The following BNC2 variants were observed in gnomAD, a reference collection of about 807,000 sequenced individuals.
The protein encoded by BNC2 is basonuclin zinc finger protein 2.
A neutral mutation model predicts 76.3 loss-of-function variants in BNC2; 20 were observed. That is an observed-to-expected ratio of 0.26 (90% confidence interval 0.18 to 0.38). The LOEUF (loss-of-function observed/expected upper bound fraction) is 0.38, where lower values mean the gene tolerates loss of function less well. BNC2 is among the 10% of genes least tolerant of loss of function. The pLI is 1.00. For missense variants in BNC2, 1,382 were observed against 1,399.8 expected, an observed-to-expected ratio of 0.99 and a Z score of 0.20; for synonymous variants, 582 against 514.8, an observed-to-expected ratio of 1.13 and a Z score of -1.77.
intron 1 of BNC2, among the ~76,000 whole-genome samples, chr9:16,790,087 C>A (rs974005823): frequency 6.6e-6 from 1 of 152,164 alleles, no homozygotes; most frequent in Admixed American, 6.5e-5. Context: ...GCAAGCTCCG[C>A]CTCCCAGGTT....
chr9:16,572,251 G>A (rs534631842), intron 4 of BNC2, among the ~76,000 whole-genome samples: 1 of 152,200 alleles, frequency 6.6e-6, no homozygotes, highest in Non-Finnish European at 1.5e-5. Context: ...TGTTTGGGCT[G>A]CTAAAACCTC....
chr9:16,854,484 A>G lies in BNC2; in HGVS notation c.3+16162T>C, dbSNP rs556423188. 4.6e-5 allele frequency among the ~76,000 whole-genome samples: 7 copies of G among 152,346 alleles called. No individual in the cohort carries two copies. The East Asian group carries it at 5.8e-4, about 13-fold the overall frequency. On this transcript the variant is annotated intron_variant, in intron 1 of 6. Transcript: ENST00000380672. ...CAATTTCAGATCAAGATATTTCTCT[A>G]TAAGGCATTTAACAAAAGAAACTTT...
intron 3 of BNC2, 128 bp downstream of exon 3, chr9:16,727,669 G>A (rs2134987361): frequency 1.3e-6 from 1 of 767,104 alleles, no homozygotes; most frequent in Admixed American, 2.8e-5. Context: ...CAAAACAAGA[G>A]CCTAACTAGG....
At chr9:16,858,877 T>A (rs1819328368) in intron 1 of BNC2, among the ~76,000 whole-genome samples, 1 of 151,596 alleles carries the variant, frequency 6.6e-6, no homozygotes, top group Admixed American at 6.6e-5. Flanking sequence ...AAAAGAAACT[T>A]CTGTGCTGCA....
chr9:16,789,656 A>C (rs1817445541), intron 1 of BNC2, among the ~76,000 whole-genome samples: 1 of 152,146 alleles, frequency 6.6e-6, no homozygotes, highest in Admixed American at 6.5e-5. Flanking sequence ...GGCTCTTACA[A>C]TGCCTGGTGT....
chr9:16,758,938 T>C (rs1421173786), intron 1 of BNC2, among the ~76,000 whole-genome samples: 1 of 152,244 alleles, frequency 6.6e-6, no homozygotes, highest in African/African-American at 2.4e-5. Context: ...AAATTATCTT[T>C]CATTTGAATG....
intron 1 of BNC2, among the ~76,000 whole-genome samples, chr9:16,746,055 T>C (rs914961465): frequency 1.1e-4 from 17 of 152,192 alleles, no homozygotes; most frequent in Admixed American, 1.3e-4. Context: ...TCTAATCCCA[T>C]TGCTTTACTA....
rs540809824 is a variant in BNC2, at chr9:16,548,804, G to T, written c.669+3726C>A. Among the ~76,000 whole-genome samples, 5 of 152,226 alleles carry T rather than the reference G, an allele frequency of 3.3e-5. No homozygotes were observed. The South Asian group carries it at 1.0e-3, about 32-fold the overall frequency. On this transcript the variant is annotated intron_variant, in intron 5 of 6. Coordinates refer to ENST00000380672, the MANE Select transcript of BNC2 (RefSeq NM_017637.6). ...CCATTTTTGTGGTTTTCTGGAAAAT[G>T]CTTAAAAGCTAACTTTCTGTACTTT... is the stretch of plus-strand genomic sequence containing the variant.
intron 1 of BNC2, among the ~76,000 whole-genome samples, chr9:16,812,209 G>C (rs137949860): frequency 4.4e-4 from 67 of 152,346 alleles, no homozygotes; most frequent in African/African-American, 1.5e-3. Context: ...GGCAGGCAAA[G>C]CTCTGGCTTG....
chr9:16,589,668 C>A (rs1046662111), intron 3 of BNC2, among the ~76,000 whole-genome samples: 1 of 151,864 alleles, frequency 6.6e-6, no homozygotes, highest in Admixed American at 6.6e-5. Context: ...ACCACCACAC[C>A]GGGCTAATTT....
At chr9:16,788,293 C>T (rs1054160778) in intron 1 of BNC2, among the ~76,000 whole-genome samples, 7 of 152,156 alleles carry the variant, frequency 4.6e-5, no homozygotes, top group South Asian at 2.1e-4. Flanking sequence ...GTGGCTCACG[C>T]CTGTAATCCC....
intron 4 of BNC2, among the ~76,000 whole-genome samples, chr9:16,574,232 G>A (rs1335785472): frequency 6.6e-6 from 1 of 152,088 alleles, no homozygotes. Context: ...CTGTAGGATC[G>A]TTAGCAAGAT....
intron 5 of BNC2, among the ~76,000 whole-genome samples, chr9:16,480,899 T>C (rs1345718061): frequency 1.3e-5 from 2 of 152,132 alleles, no homozygotes; most frequent in African/African-American, 2.4e-5. Flanking sequence ...TGCGAGCACA[T>C]GGCACGGGAC....
chr9:16,760,718 G>C (rs1003769671), intron 1 of BNC2, among the ~76,000 whole-genome samples: 2 of 152,142 alleles, frequency 1.3e-5, no homozygotes, highest in South Asian at 2.1e-4. Context: ...TGAGTCATTT[G>C]TGAACTCACC....
chr9:16,742,023 T>C (rs910559580), intron 1 of BNC2, among the ~76,000 whole-genome samples: 1 of 146,150 alleles, frequency 6.8e-6, no homozygotes, highest in African/African-American at 2.5e-5. Context: ...ATGATATAAA[T>C]CATTGTCATT....
intron 5 of BNC2, among the ~76,000 whole-genome samples, chr9:16,502,577 G>A (rs534908074): frequency 1.5e-4 from 23 of 152,040 alleles, no homozygotes; most frequent in African/African-American, 5.5e-4. Context: ...TCTTCTTGGG[G>A]TGAATGGCTT....
intron 3 of BNC2, among the ~76,000 whole-genome samples, chr9:16,707,682 C>T (rs1327530029): frequency 6.6e-6 from 1 of 152,156 alleles, no homozygotes; most frequent in Non-Finnish European, 1.5e-5. Context: ...CACTCTGTTG[C>T]CCGGGCTGGA....
chr9:16,708,954 G>A (rs1195764051), intron 3 of BNC2, among the ~76,000 whole-genome samples: 1 of 152,158 alleles, frequency 6.6e-6, no homozygotes, highest in East Asian at 1.9e-4. Context: ...GGAATAATGT[G>A]TTAATTTATA....
chr9:16,650,817 G>C (rs1821773388), intron 3 of BNC2, among the ~76,000 whole-genome samples: 1 of 152,116 alleles, frequency 6.6e-6, no homozygotes, highest in South Asian at 2.1e-4. Context: ...CCAATCCTAA[G>C]TGTCGCCTAC....
Sources: allele counts gnomAD v4.1 joint callset (sites outside exome capture counted in the v4.1 genomes callset), GRCh38; gene constraint gnomAD v4.1.1; transcripts MANE v1.5; gene names NCBI Gene and HGNC (gene_info 2026-07-23, HGNC 2026-07-21).